NRXN1: variants seen among roughly 807,000 people sequenced by gnomAD.
NRXN1 encodes neurexin 1, also known as neurexin-1.
In NRXN1, 39 loss-of-function variants were observed where a neutral mutation model predicts 150.9. The observed-to-expected ratio is 0.26, with a 90% confidence interval of 0.20 to 0.34. NRXN1 has a LOEUF of 0.34. NRXN1 is among the 10% of genes least tolerant of loss of function. The pLI is 1.00. For synonymous variants in NRXN1, 924 were observed against 757.0 expected (o/e 1.22, Z -3.62); for missense variants, 1,815 against 1,949.9 (o/e 0.93, Z 1.30).
chr2:50,012,939 C>T (rs1243329204), intron 21 of NRXN1, among the ~76,000 whole-genome samples: 2 of 152,026 alleles, frequency 1.3e-5, no homozygotes, highest in African/African-American at 4.8e-5. Flanking sequence ...TCCTTCTTTG[C>T]TGTGGCACAT....
chr2:50,667,471 G>T (rs182368115), intron 5 of NRXN1, among the ~76,000 whole-genome samples: 17 of 152,030 alleles, frequency 1.1e-4, no homozygotes, highest in Admixed American at 8.5e-4. Context: ...GAAATAAATA[G>T]CATTCTGCAA....
chr2:51,007,895 A>G (rs977957284), intron 2 of NRXN1, among the ~76,000 whole-genome samples: 16 of 151,994 alleles, frequency 1.1e-4, no homozygotes, highest in African/African-American at 3.9e-4. Flanking sequence ...AAAAAGTCAT[A>G]AAGTGATAAA....
chr2:50,403,058 T>C (rs1165497339), intron 17 of NRXN1, among the ~76,000 whole-genome samples: 1 of 152,110 alleles, frequency 6.6e-6, no homozygotes, highest in Non-Finnish European at 1.5e-5. Context: ...CAAAAGGTAA[T>C]CCAGGCTGGG....
At chr2:51,023,899 C>T (rs1159884870) in intron 2 of NRXN1, among the ~76,000 whole-genome samples, 1 of 152,054 alleles carries the variant, frequency 6.6e-6, no homozygotes, top group Admixed American at 6.6e-5. Flanking sequence ...TGACATTAAA[C>T]AATCAGGAAG....
chr2:50,952,597 T>G lies in NRXN1; in HGVS notation c.773-26642A>C, dbSNP rs1691578139. 2.0e-5 allele frequency among the ~76,000 whole-genome samples: 3 copies of G among 152,176 alleles called. No individual in the cohort carries two copies. The South Asian group carries it at 6.2e-4, about 31-fold the overall frequency. ...GATCTATGCTACCACGGAGTTCTTA[T>G]TTTCAAAGTGGAAGGTAGAAAATAA... On this transcript the variant is annotated intron_variant, in intron 2 of 22. Transcript: ENST00000401669.
At chr2:50,630,113 C>T (rs891430773) in intron 5 of NRXN1, among the ~76,000 whole-genome samples, 33 of 151,524 alleles carry the variant, frequency 2.2e-4, no homozygotes, top group African/African-American at 8.0e-4. Flanking sequence ...ATTCCATATC[C>T]GACACACTAT....
chr2:50,884,952 T>G (rs1159868308), intron 5 of NRXN1, among the ~76,000 whole-genome samples: 2 of 151,700 alleles, frequency 1.3e-5, no homozygotes, highest in Non-Finnish European at 3.0e-5. Context: ...TTTTGTTCTT[T>G]GCAAATAACT....
At chr2:50,489,900 A>T (rs1167135209) in intron 15 of NRXN1, among the ~76,000 whole-genome samples, 2 of 152,180 alleles carry the variant, frequency 1.3e-5, no homozygotes, top group Non-Finnish European at 2.9e-5. Context: ...ATGGGAAGGG[A>T]ATGTTTTAAT....
chr2:50,445,829 G>A (rs1238338013), intron 17 of NRXN1, among the ~76,000 whole-genome samples: 1 of 152,122 alleles, frequency 6.6e-6, no homozygotes, highest in East Asian at 1.9e-4. Flanking sequence ...TTGGAAAGAG[G>A]AGATTTTCTC....
At chr2:50,310,613 C>CA (rs1426833193) in intron 17 of NRXN1, among the ~76,000 whole-genome samples, 52 of 152,148 alleles carry the variant, frequency 3.4e-4, no homozygotes, top group African/African-American at 1.1e-3. Context: ...ATTATTACTT[C>CA]AAAAATCAAA....
At chr2:50,595,863 A>C (rs942655171) in intron 8 of NRXN1, among the ~76,000 whole-genome samples, 7 of 152,230 alleles carry the variant, frequency 4.6e-5, no homozygotes, top group African/African-American at 1.4e-4. Flanking sequence ...CAAAATGCTA[A>C]AACAATGCAA....
chr2:50,996,870 T>A (rs1001879767), intron 2 of NRXN1, among the ~76,000 whole-genome samples: 1 of 152,020 alleles, frequency 6.6e-6, no homozygotes, highest in African/African-American at 2.4e-5. Flanking sequence ...ATGGCGTAGG[T>A]TTCATCAAAC....
chr2:50,598,893 G>C (rs559441162), intron 8 of NRXN1, among the ~76,000 whole-genome samples: 17 of 151,846 alleles, frequency 1.1e-4, no homozygotes, highest in Admixed American at 1.0e-3. Context: ...AAGTAGCTGG[G>C]ATTACAAGTG....
intron 17 of NRXN1, among the ~76,000 whole-genome samples, chr2:50,399,372 TTAGAGGG>T (rs1213930155): frequency 6.6e-6 from 1 of 152,116 alleles, no homozygotes; most frequent in Admixed American, 6.5e-5. Flanking sequence ...TCCAGCACTG[TTAGAGGG>T]TAACACATTT....
chr2:50,694,708 G>A (rs1692566820), intron 5 of NRXN1, among the ~76,000 whole-genome samples: 1 of 152,098 alleles, frequency 6.6e-6, no homozygotes, highest in Non-Finnish European at 1.5e-5. Flanking sequence ...GTAGGTGGAG[G>A]TTACATTCTT....
intron 21 of NRXN1, among the ~76,000 whole-genome samples, chr2:50,001,202 T>G (rs1033947035): frequency 1.3e-5 from 2 of 152,144 alleles, no homozygotes; most frequent in Non-Finnish European, 2.9e-5. Context: ...AGTGTCCTTA[T>G]CACAAACTGT....
At chr2:50,970,230 G>T (rs1694792058) in intron 2 of NRXN1, among the ~76,000 whole-genome samples, 1 of 152,146 alleles carries the variant, frequency 6.6e-6, no homozygotes, top group East Asian at 1.9e-4. Flanking sequence ...CCTGCCTTGG[G>T]GAAGAGGGAT....
intron 21 of NRXN1, among the ~76,000 whole-genome samples, chr2:49,961,015 C>G (rs142885667): frequency 1.7e-3 from 251 of 151,972 alleles, no homozygotes; most frequent in African/African-American, 5.7e-3. Context: ...GAGTACTAAA[C>G]AAATAATATC....
At chr2:50,977,629 C>T (rs1696076343) in intron 2 of NRXN1, among the ~76,000 whole-genome samples, 1 of 151,830 alleles carries the variant, frequency 6.6e-6, no homozygotes, top group African/African-American at 2.4e-5. Context: ...AGTGGGTCCA[C>T]CACATTAAAC....
Sources: gnomAD v4.1 joint callset for allele counts (sites outside exome capture counted in the v4.1 genomes callset) on GRCh38, gnomAD v4.1.1 for gene constraint, MANE v1.5 for transcripts, NCBI Gene and HGNC (gene_info 2026-07-23, HGNC 2026-07-21) for gene names.